Variants in DTNBP1 observed in about 807,000 individuals in gnomAD.
DTNBP1 encodes dystrobrevin binding protein 1, also known as dysbindin.
DTNBP1 carries 35 observed loss-of-function variants against 42.8 expected under a neutral mutation model. That is an observed-to-expected ratio of 0.82 (90% CI 0.63 to 1.09). The LOEUF is 1.09. Ranked by LOEUF, DTNBP1 falls within the 50% of genes least tolerant of loss-of-function variation. The probability of loss-of-function intolerance (pLI) is 0.00; values close to 1 mark genes in which losing one functional copy is unlikely to be tolerated. For synonymous variants in DTNBP1, 171 were observed against 162.2 expected (o/e 1.05, Z -0.41); for missense variants, 457 against 424.2 (o/e 1.08, Z -0.68).
chr6:15,659,515 T>A (rs1761472037), intron 1 of DTNBP1, among the ~76,000 whole-genome samples: 1 of 152,018 alleles, frequency 6.6e-6, no homozygotes, highest in Non-Finnish European at 1.5e-5. Flanking sequence ...GGCCATGTTT[T>A]TTCATTTTTT....
At position 15,533,246 on chromosome 6, in the gene DTNBP1, G is replaced by A. The variant is rs755709396; in HGVS notation, c.661C>T (p.Arg221Trp). Residue 221 changes from arginine (R) to tryptophan (W), a missense_variant, in exon 8 of 10, where the codon CGG (arginine) becomes TGG (tryptophan). By Grantham distance (101) the Arg-to-Trp change is moderately radical. Coordinates refer to ENST00000344537, the MANE Select transcript of DTNBP1 (RefSeq NM_032122.5). ...AGCCCCAGCCCCCACTCGCCTCGCCGCTCTGCAATCTGCAGGTAGCCAGTG... is the reference window on the plus strand; with the variant it reads ...AGCCCCAGCCCCCACTCGCCTCGCCACTCTGCAATCTGCAGGTAGCCAGTG... Reference protein sequence around the residue: ...LSTGYLQIAERREPIGSMSSM... With the variant: ...LSTGYLQIAEWREPIGSMSSM... 17 of 1,613,852 alleles carry A rather than the reference G, an allele frequency of 1.1e-5. No homozygotes were observed. The highest frequency in any genetic ancestry group is 2.7e-5 in the African/African-American group (2 of 74,998).
At chr6:15,616,725 A>T (rs1758738603) in intron 5 of DTNBP1, among the ~76,000 whole-genome samples, 1 of 152,254 alleles carries the variant, frequency 6.6e-6, no homozygotes, top group Non-Finnish European at 1.5e-5. Flanking sequence ...TTACAATTAT[A>T]GGTTTATTGT....
chr6:15,565,050 G>A (rs1775007794), intron 7 of DTNBP1, among the ~76,000 whole-genome samples: 1 of 152,202 alleles, frequency 6.6e-6, no homozygotes, highest in African/African-American at 2.4e-5. Flanking sequence ...AGGCTTCAGT[G>A]AGCAGAGATG....
At chr6:15,580,613 T>C (rs201694408) in intron 7 of DTNBP1, among the ~76,000 whole-genome samples, 21 of 152,360 alleles carry the variant, frequency 1.4e-4, no homozygotes, top group East Asian at 1.3e-3. Flanking sequence ...CAATTTTGGA[T>C]GATATGTCTA....
chr6:15,654,982 T>C (rs36212519), intron 1 of DTNBP1, among the ~76,000 whole-genome samples: 1 of 152,188 alleles, frequency 6.6e-6, no homozygotes, highest in Non-Finnish European at 1.5e-5. Context: ...ACAGGTATAG[T>C]AGGCAAGTCT....
chr6:15,662,924 G>A lies in DTNBP1; in HGVS notation c.-55C>T, dbSNP rs554525656. On this transcript the variant is annotated 5_prime_UTR_variant, in exon 1 of 10. Transcript: ENST00000344537. ...GCCTCGGGCTGCTGCTGCCTCTGTC[G>A]CCCCCTGGGTCCCACGCCGCCAACC... is the stretch of plus-strand genomic sequence containing the variant. The A allele has an allele frequency of 6.3e-7, 1 of 1,596,672 alleles. No individual in the cohort carries two copies. Among genetic ancestry groups the A allele is most frequent in the Non-Finnish European group, 8.5e-7 (1 of 1,176,850 alleles).
rs114600330 is a variant in DTNBP1, at chr6:15,570,556, C to T, written c.511+22503G>A. Among the ~76,000 whole-genome samples, 1,441 of 152,318 alleles carry T rather than the reference C, an allele frequency of 9.5e-3. 26 individuals carry two copies. The highest frequency in any genetic ancestry group is 0.033 in the African/African-American group (1,377 of 41,558). On this transcript the variant is annotated intron_variant, in intron 7 of 9. Transcript: ENST00000344537. The stretch of plus-strand genomic sequence containing the variant: ...TTGCATAAATAAACCTGGCTGGGAA[C>T]CAGGGTGAAACTTTTGTTATAAAAC...
intron 7 of DTNBP1, among the ~76,000 whole-genome samples, chr6:15,543,790 C>A (rs1432405005): frequency 6.6e-6 from 1 of 152,192 alleles, no homozygotes; most frequent in Non-Finnish European, 1.5e-5. Flanking sequence ...GTCCTTTCCA[C>A]CAAAACTACT....
chr6:15,579,183 G>A lies in DTNBP1; in HGVS notation c.511+13876C>T, dbSNP rs1478019489. Among the ~76,000 whole-genome samples, 6 of 152,142 alleles carry A rather than the reference G, an allele frequency of 3.9e-5. No homozygotes were observed. In the East Asian group the frequency reaches 1.2e-3, roughly 29 times the overall value. ...CAGATGAATGGATAAAGAAAATGTGGTATGTATACACAATGGAGTATTATT... is the reference window on the plus strand; with the variant it reads ...CAGATGAATGGATAAAGAAAATGTGATATGTATACACAATGGAGTATTATT... On this transcript the variant is annotated intron_variant, in intron 7 of 9. Transcript: ENST00000344537.
intron 7 of DTNBP1, among the ~76,000 whole-genome samples, chr6:15,586,482 A>G (rs1369039858): frequency 3.3e-5 from 5 of 151,584 alleles, no homozygotes; most frequent in African/African-American, 1.2e-4. Context: ...CTCCCTCTCT[A>G]TAGCTTCTGT....
chr6:15,619,966 T>C (rs1485323141), intron 5 of DTNBP1, among the ~76,000 whole-genome samples: 1 of 152,102 alleles, frequency 6.6e-6, no homozygotes, highest in Non-Finnish European at 1.5e-5. Context: ...ATATTTGTGC[T>C]TATAAAAACT....
At chr6:15,546,063 CTTTTTTTTT>C (rs34253215) in intron 7 of DTNBP1, 6 of 310,866 alleles carry the variant, frequency 1.9e-5, no homozygotes, top group African/African-American at 3.2e-5. Context: ...ACCTCCAGTT[CTTTTTTTTT>C]TTTTTTTTTT....
At chr6:15,552,156 A>G (rs981305727) in intron 7 of DTNBP1, among the ~76,000 whole-genome samples, 1 of 152,218 alleles carries the variant, frequency 6.6e-6, no homozygotes, top group African/African-American at 2.4e-5. Flanking sequence ...AAACACCTGC[A>G]CTTAAGATTC....
chr6:15,632,776 T>A (rs1354712729), intron 4 of DTNBP1, among the ~76,000 whole-genome samples: 1 of 152,234 alleles, frequency 6.6e-6, no homozygotes, highest in Non-Finnish European at 1.5e-5. Context: ...TGTAAAAGAT[T>A]TTCTAATGTC....
At chr6:15,546,879 C>T (rs765480200) in intron 7 of DTNBP1, among the ~76,000 whole-genome samples, 1 of 151,342 alleles carries the variant, frequency 6.6e-6, no homozygotes, top group Admixed American at 6.6e-5. Flanking sequence ...TACAGAAACA[C>T]TATGCTAAAA....
intron 1 of DTNBP1, among the ~76,000 whole-genome samples, chr6:15,656,953 A>G (rs778098928): frequency 2.6e-5 from 4 of 152,184 alleles, no homozygotes; most frequent in Non-Finnish European, 5.9e-5. Context: ...AAATGTATGA[A>G]TTAGCATATT....
intron 9 of DTNBP1, chr6:15,523,721 T>C (rs781182088): frequency 8.5e-6 from 11 of 1,287,204 alleles, no homozygotes; most frequent in South Asian, 1.2e-5. Context: ...AATCTTCCCC[T>C]GACTCTGGGT....
rs753966123 is a variant in DTNBP1 at position 15,524,681 on chromosome 6, TCAACACGAGAAAGG to T, written c.668-26_668-13del. On this transcript the variant is annotated splice_polypyrimidine_tract_variant and intron_variant, in intron 8 of 9. Coordinates refer to ENST00000344537, the MANE Select transcript of DTNBP1 (RefSeq NM_032122.5). ...GCTGCCTATGGGCTCTGCGGATAGA[TCAACACGAGAAAGG>T]ACACGCTGTCTTTAATATTACTTTA... is the stretch of plus-strand genomic sequence containing the variant. The T allele has an allele frequency of 6.2e-7, 1 of 1,611,976 alleles. No individual in the cohort carries two copies. Among genetic ancestry groups the T allele is most frequent in the Non-Finnish European group, 8.5e-7 (1 of 1,179,974 alleles).
At chr6:15,602,317 T>G (rs1472151575) in intron 6 of DTNBP1, among the ~76,000 whole-genome samples, 1 of 152,108 alleles carries the variant, frequency 6.6e-6, no homozygotes, top group African/African-American at 2.4e-5. Context: ...AGGAGCACTG[T>G]TTTCTTGTTG....
Sources: gnomAD v4.1 joint callset for allele counts (sites outside exome capture counted in the v4.1 genomes callset) on GRCh38, gnomAD v4.1.1 for gene constraint, MANE v1.5 for transcripts, NCBI Gene and HGNC (gene_info 2026-07-23, HGNC 2026-07-21) for gene names.